GPBP1: variants seen among roughly 807,000 people sequenced by gnomAD.
The protein encoded by GPBP1 is vasculin.
In GPBP1, 13 loss-of-function variants were observed where a neutral mutation model predicts 56.5. The observed-to-expected ratio is 0.23, with a 90% CI of 0.15 to 0.37. GPBP1 has a LOEUF of 0.37. GPBP1 is among the 10% of genes least tolerant of loss of function. The probability of loss-of-function intolerance (pLI) is 1.00; values close to 1 mark genes in which losing one functional copy is unlikely to be tolerated. For missense variants in GPBP1, 477 were observed against 572.3 expected, an observed-to-expected ratio of 0.83 and a Z score of 1.70; for synonymous variants, 204 against 188.9, an observed-to-expected ratio of 1.08 and a Z score of -0.66.
chr5:57,236,937 C>T (rs1249067694), intron 6 of GPBP1: 7 of 576,740 alleles, frequency 1.2e-5, no homozygotes, highest in Non-Finnish European at 3.0e-6. Flanking sequence ...ACTTCCTGTG[C>T]TATATTGTAT....
chr5:57,229,059 C>T (rs972732703), intron 3 of GPBP1, among the ~76,000 whole-genome samples: 4 of 151,452 alleles, frequency 2.6e-5, no homozygotes, highest in Non-Finnish European at 5.9e-5. Flanking sequence ...GATCAAACCC[C>T]GTTTCTACTA....
At chr5:57,191,235 G>A (rs1323358390) in intron 2 of GPBP1, among the ~76,000 whole-genome samples, 1 of 151,908 alleles carries the variant, frequency 6.6e-6, no homozygotes, top group Non-Finnish European at 1.5e-5. Flanking sequence ...ACAGGCGCTT[G>A]CCATCATGAC....
In GPBP1 at chr5:57,198,997, CATG is replaced by C. The variant is rs563892617; in HGVS notation, c.-57-15071_-57-15069del. On this transcript the variant is annotated intron_variant, in intron 2 of 11. Coordinates refer to ENST00000506184, the MANE Select transcript of GPBP1 (RefSeq NM_022913.4). ...AAACAGGAAAAATCTTACTATATCT[CATG>C]ATGATAAAGTAGGATTTAATATGAA... is the stretch of plus-strand genomic sequence containing the variant. 2.0e-5 allele frequency among the ~76,000 whole-genome samples: 3 copies of C among 152,258 alleles called. No individual in the cohort carries two copies. The South Asian group carries it at 6.2e-4, about 32-fold the overall frequency.
At chr5:57,196,969 A>G (rs1264423867) in intron 2 of GPBP1, among the ~76,000 whole-genome samples, 1 of 151,696 alleles carries the variant, frequency 6.6e-6, no homozygotes, top group Non-Finnish European at 1.5e-5. Context: ...TTTAGTAGAG[A>G]TGGGATTTCA....
Position 57,208,111 on chromosome 5 carries a change from C to T in GPBP1, c.-57-5963C>T, listed in dbSNP as rs138165680. Reference sequence around the variant, plus strand: ...GGCACAGAACCGGGGATGGAGCCCTCGCGAGGGACCATGCCCTTCCCTTCC... The same window carrying T: ...GGCACAGAACCGGGGATGGAGCCCTTGCGAGGGACCATGCCCTTCCCTTCC... On this transcript the variant is annotated intron_variant, in intron 2 of 11. Transcript: ENST00000506184. 3.2e-3 allele frequency among the ~76,000 whole-genome samples: 482 copies of T among 152,168 alleles called. 4 individuals are homozygous for T. Among genetic ancestry groups the T allele is most frequent in the African/African-American group, 0.011 (461 of 41,526 alleles).
At chr5:57,205,430 C>T (rs1755190839) in intron 2 of GPBP1, among the ~76,000 whole-genome samples, 1 of 152,104 alleles carries the variant, frequency 6.6e-6, no homozygotes, top group Non-Finnish European at 1.5e-5. Flanking sequence ...TGTGTATATA[C>T]CTAGCAATGG....
intron 10 of GPBP1, among the ~76,000 whole-genome samples, chr5:57,260,031 C>T (rs1206993450): frequency 6.6e-6 from 1 of 152,152 alleles, no homozygotes; most frequent in Non-Finnish European, 1.5e-5. Flanking sequence ...TGAAGAAATG[C>T]TTCAGAATCT....
intron 2 of GPBP1, among the ~76,000 whole-genome samples, chr5:57,197,376 T>C (rs992230862): frequency 6.7e-6 from 1 of 149,978 alleles, no homozygotes; most frequent in Non-Finnish European, 1.5e-5. Flanking sequence ...TTTTTTTTTT[T>C]TGGACAGTCT....
At chr5:57,219,248 T>G (rs1324838203) in intron 3 of GPBP1, among the ~76,000 whole-genome samples, 3 of 150,924 alleles carry the variant, frequency 2.0e-5, no homozygotes, top group Non-Finnish European at 3.0e-5. Context: ...TGGTGGCACA[T>G]GCCTGTGGTC....
intron 3 of GPBP1, among the ~76,000 whole-genome samples, chr5:57,230,484 T>TA: frequency 6.6e-6 from 1 of 152,342 alleles, no homozygotes; most frequent in East Asian, 1.9e-4. Flanking sequence ...TTCTCTGATG[T>TA]AGAAGGAAAC....
intron 8 of GPBP1, among the ~76,000 whole-genome samples, chr5:57,248,337 C>G (rs1741188205): frequency 6.6e-6 from 1 of 151,264 alleles, no homozygotes; most frequent in Admixed American, 6.6e-5. Flanking sequence ...TCTGACCAGT[C>G]TAGTGTCAAA....
At chr5:57,236,197 AAGG>A (rs767562468) in intron 6 of GPBP1, among the ~76,000 whole-genome samples, 165 bp downstream of exon 6, 50 of 152,342 alleles carry the variant, frequency 3.3e-4, no homozygotes, top group African/African-American at 1.2e-3. Context: ...CGTCTTTAAA[AAGG>A]AGGATTGGAA....
chr5:57,180,683 G>A (rs1024370305), intron 2 of GPBP1, among the ~76,000 whole-genome samples: 4 of 152,072 alleles, frequency 2.6e-5, no homozygotes, highest in Admixed American at 6.6e-5. Flanking sequence ...TTATACTGAT[G>A]GAAATATATA....
intron 6 of GPBP1, among the ~76,000 whole-genome samples, chr5:57,238,133 A>G (rs1740625402): frequency 6.6e-6 from 1 of 152,252 alleles, no homozygotes. Flanking sequence ...CACGCTGTTA[A>G]TTTAAAACTA....
chr5:57,186,727 C>G (rs1391334164), intron 2 of GPBP1, among the ~76,000 whole-genome samples: 1 of 152,114 alleles, frequency 6.6e-6, no homozygotes, highest in Non-Finnish European at 1.5e-5. Context: ...GCCACCACAC[C>G]TGGCTGATTT....
At chr5:57,236,172 AAAAAAGGTAACATTCGTCTTT>A (rs1341145425) in intron 6 of GPBP1, 140 bp downstream of exon 6, 2 of 597,032 alleles carry the variant, frequency 3.3e-6, no homozygotes. Context: ...GCTTAGCTAC[AAAAAAGGTAACATTCGTCTTT>A]AAAAAGGAGG....
chr5:57,187,003 AGT>A (rs66642664), intron 2 of GPBP1, among the ~76,000 whole-genome samples: 47,359 of 146,402 alleles, frequency 0.32, 7,529 homozygotes, highest in Non-Finnish European at 0.37. Context: ...GACTCAGAGA[AGT>A]GTGTGTGTGT....
chr5:57,189,236 A>C (rs954528406), intron 2 of GPBP1, among the ~76,000 whole-genome samples: 9 of 152,192 alleles, frequency 5.9e-5, no homozygotes, highest in African/African-American at 2.2e-4. Context: ...CTCATGCCTC[A>C]GTCTACTGAG....
chr5:57,216,807 TAACCTGCTTTACTTTCTCCTTATG>T (rs1755716995), intron 3 of GPBP1, among the ~76,000 whole-genome samples: 1 of 152,174 alleles, frequency 6.6e-6, no homozygotes, highest in African/African-American at 2.4e-5. Context: ...ATTCTTCTGA[TAACCTGCTTTACTTTCTCCTTATG>T]AACATTTTTT....
Sources: gnomAD v4.1 joint callset for allele counts (sites outside exome capture counted in the v4.1 genomes callset) on GRCh38, gnomAD v4.1.1 for gene constraint, MANE v1.5 for transcripts, NCBI Gene and HGNC (gene_info 2026-07-23, HGNC 2026-07-21) for gene names.